The following UCK1 variants were observed in gnomAD, a reference collection of about 807,000 sequenced individuals.
The protein encoded by UCK1 is uridine-cytidine kinase 1.
In UCK1, 20 loss-of-function variants were observed where a neutral mutation model predicts 34.0. That is an observed-to-expected ratio of 0.59 (90% CI 0.41 to 0.86). UCK1 has a LOEUF of 0.86. UCK1 is among the 40% of genes least tolerant of loss of function. The pLI, the probability that UCK1 is intolerant of heterozygous loss-of-function variation, is 0.00. For synonymous variants in UCK1, 168 were observed against 155.9 expected (o/e 1.08, Z -0.58); for missense variants, 343 against 383.6 (o/e 0.89, Z 0.88).
chr9:131,529,949 CCA>C (rs1017960516), intron 2 of UCK1, among the ~76,000 whole-genome samples: 2 of 152,158 alleles, frequency 1.3e-5, no homozygotes, highest in Non-Finnish European at 2.9e-5. Flanking sequence ...GGCCTTCTTC[CCA>C]CAAGTCCTTG....
chr9:131,528,568 G>A (rs1039771286), intron 5 of UCK1, among the ~76,000 whole-genome samples: 8 of 152,146 alleles, frequency 5.3e-5, no homozygotes, highest in South Asian at 2.1e-4. Flanking sequence ...CCCACTCTGC[G>A]GGGAATAAGC....
intron 5 of UCK1, among the ~76,000 whole-genome samples, chr9:131,527,791 C>T (rs1285440183): frequency 3.9e-5 from 6 of 151,950 alleles, no homozygotes; most frequent in Admixed American, 3.3e-4. Context: ...GTGGAAGGAT[C>T]GCTTGAGCTT....
rs202115100 is a variant in UCK1 at position 131,524,544 on chromosome 9, CAG to C, written c.*494_*495del. On this transcript the variant is annotated 3_prime_UTR_variant, in exon 7 of 7. Transcript: ENST00000372215. ...CAGCCTTGTGTTATGAAACAGAAAA[CAG>C]AAAACATGAGGACATGTAACATGTA... 1.8e-3 allele frequency: 283 copies of C among 153,416 alleles called. No homozygotes were observed. The highest frequency in any genetic ancestry group is 6.7e-3 in the African/African-American group (279 of 41,580). The allele number at this position is 153,416 out of a possible 1,614,324, so 9.5% of individuals were successfully genotyped here. A position where few individuals can be genotyped will look rare whatever the true frequency, so the allele number is the denominator to read the frequency against.
rs1330047087 is a variant in UCK1 at position 131,529,044 on chromosome 9, G to T, written c.509-6C>A. ...TCGGCGCACGTCCCGGAGAACTGCA[G>T]CGGCAAGGGGCAGGCGTGCTTCAGA... On this transcript the variant is annotated splice_region_variant and splice_polypyrimidine_tract_variant and intron_variant, in intron 4 of 6. Coordinates refer to ENST00000372215, the MANE Select transcript of UCK1 (RefSeq NM_031432.5). 6.2e-7 allele frequency: 1 copy of T among 1,613,978 alleles called. No individual in the cohort carries two copies. Among genetic ancestry groups the T allele is most frequent in the South Asian group, 1.1e-5 (1 of 91,078 alleles).
chr9:131,529,322 CCACA>C (rs760614318), intron 3 of UCK1, 52 bp from the exon 4 acceptor site: 10 of 1,610,236 alleles, frequency 6.2e-6, no homozygotes, highest in African/African-American at 2.7e-5. Flanking sequence ...GGTCTCCAGG[CCACA>C]CACACAGTCA....
At chr9:131,528,413 C>G (rs1950692309) in intron 5 of UCK1, among the ~76,000 whole-genome samples, 1 of 152,188 alleles carries the variant, frequency 6.6e-6, no homozygotes, top group Admixed American at 6.5e-5. Context: ...CAGCTGGGAT[C>G]TGGGCACAGC....
rs200409747 is a variant in UCK1, at chr9:131,529,117, G to A, written c.508+11C>T. 1,020 of 1,613,502 alleles carry A rather than the reference G, an allele frequency of 6.3e-4. 5 individuals carry two copies. In the African/African-American group the frequency reaches 9.9e-3, roughly 16 times the overall value. ...CGGCCAGGCAGGCACGGAGGCCCGC[G>A]GCCGCCTTACCTCTTCGAGACAGCC... On this transcript the variant is annotated intron_variant, in intron 4 of 6. Transcript: ENST00000372215.
At chr9:131,528,757 G>T in intron 5 of UCK1, 187 bp downstream of exon 5, 1 of 682,526 alleles carries the variant, frequency 1.5e-6, no homozygotes, top group Non-Finnish European at 2.4e-6. Context: ...GCAGAGGGAG[G>T]AGCAGGCACA....
intron 5 of UCK1, among the ~76,000 whole-genome samples, chr9:131,528,082 G>A (rs993743889): frequency 6.6e-6 from 1 of 151,934 alleles, no homozygotes; most frequent in Non-Finnish European, 1.5e-5. Context: ...GGTGAGACAG[G>A]AGAATTGCTT....
intron 6 of UCK1, among the ~76,000 whole-genome samples, chr9:131,525,544 TCA>T (rs1212037054): frequency 6.6e-6 from 1 of 152,182 alleles, no homozygotes; most frequent in East Asian, 1.9e-4. Flanking sequence ...AGTGGCCCAA[TCA>T]CAGCTCACTG....
chr9:131,527,168 AAAG>A (rs1282719621), intron 5 of UCK1, among the ~76,000 whole-genome samples: 2 of 151,846 alleles, frequency 1.3e-5, no homozygotes, highest in Non-Finnish European at 2.9e-5. Context: ...AAAAAAAAAA[AAAG>A]GAAAAATTAG....
rs575275748 is a variant in UCK1, at chr9:131,525,030, C to A, written c.*10G>T. ...CGGGCGGGAGACCTGCCCTGAGGCTCGGCAGCCCCTCAGTGGGGTCTGCTG... is the reference window on the plus strand; with the variant it reads ...CGGGCGGGAGACCTGCCCTGAGGCTAGGCAGCCCCTCAGTGGGGTCTGCTG... On this transcript the variant is annotated 3_prime_UTR_variant, in exon 7 of 7. Transcript: ENST00000372215. 2 of 1,603,840 alleles carry A rather than the reference C, an allele frequency of 1.2e-6. No individual in the cohort carries two copies. The highest frequency in any genetic ancestry group is 1.1e-5 in the South Asian group (1 of 90,752).
chr9:131,525,296 C>T lies in UCK1; in HGVS notation c.653-75G>A, dbSNP rs567026408. The T allele has an allele frequency of 4.3e-5, 68 of 1,591,038 alleles. No homozygotes were observed. The East Asian group carries it at 7.6e-4, about 18-fold the overall frequency. On this transcript the variant is annotated intron_variant, in intron 6 of 6. Transcript: ENST00000372215. ...GGAGACCGCCCCTCCCCGCAGCACT[C>T]GGCCAGGAGTGAGCGCCCAACCTCT... is the stretch of plus-strand genomic sequence containing the variant.
At chr9:131,529,453 C>A (rs1950744774) in intron 3 of UCK1, 35 bp downstream of exon 3, 22 of 1,613,222 alleles carry the variant, frequency 1.4e-5, no homozygotes, top group Non-Finnish European at 1.9e-5. Flanking sequence ...CTAGCTGGCC[C>A]CTCTCCTCGG....
In UCK1 at chr9:131,530,769, C is replaced by T. The variant is rs530403780; in HGVS notation, c.109-124G>A. ...GTATGCTCGGAAGGCGGGAGGACACCAACAGGTGTGGATGGTCTCAGCGGA... is the reference window on the plus strand; with the variant it reads ...GTATGCTCGGAAGGCGGGAGGACACTAACAGGTGTGGATGGTCTCAGCGGA... On this transcript the variant is annotated intron_variant, in intron 1 of 6. Coordinates refer to ENST00000372215, the MANE Select transcript of UCK1 (RefSeq NM_031432.5). 8 of 1,555,172 alleles carry T rather than the reference C, an allele frequency of 5.1e-6. No individual in the cohort carries two copies. The African/African-American group carries it at 1.1e-4, about 21-fold the overall frequency.
In UCK1 at chr9:131,530,616, CA is replaced by C; in HGVS notation, c.137del (p.Leu46CysfsTer17). ...KSTVCEKIME[L>X]LGQNEVEQRQ... Reference sequence around the variant, plus strand: ...GCTGTTCCACCTCGTTCTGTCCCAGCAACTCCATGATCTTCTCACACACGGT... The same window carrying C: ...GCTGTTCCACCTCGTTCTGTCCCAGCACTCCATGATCTTCTCACACACGGT... On this transcript the variant is annotated frameshift_variant, in exon 2 of 7. Transcript: ENST00000372215. LOFTEE classifies it high-confidence loss of function. The C allele has an allele frequency of 6.2e-7, 1 of 1,614,252 alleles. No homozygotes were observed. Among genetic ancestry groups the C allele is most frequent in the East Asian group, 2.2e-5 (1 of 44,872 alleles).
At position 131,528,698 on chromosome 9, in the gene UCK1, G is replaced by A; in HGVS notation, c.603+246C>T. The A allele has an allele frequency of 1.6e-5, 9 of 563,162 alleles. No individual in the cohort carries two copies. In the South Asian group the frequency reaches 1.9e-4, roughly 12 times the overall value. 34.9% of individuals were successfully genotyped at this position (563,162 alleles called of 1,614,324 possible). A position where few individuals can be genotyped will look rare whatever the true frequency, so the allele number is the denominator to read the frequency against. On this transcript the variant is annotated intron_variant, in intron 5 of 6. Transcript: ENST00000372215. ...GGACGCTGGGCAAGGGCCTGAGGCA[G>A]GGAGGAAGCGGCCAGTGTGAATGTG...
At position 131,531,259 on chromosome 9, in the gene UCK1, C is replaced by A. The variant is rs910208511; in HGVS notation, c.-85G>T. ...GCCCGCCCAGCGCCGAGGTCGGAGG[C>A]AACCGGAGCGATCACTTCCGGGAGG... On this transcript the variant is annotated 5_prime_UTR_variant, in exon 1 of 7. Coordinates refer to ENST00000372215, the MANE Select transcript of UCK1 (RefSeq NM_031432.5). 2 of 1,208,384 alleles carry A rather than the reference C, an allele frequency of 1.7e-6. No homozygotes were observed. Among genetic ancestry groups the A allele is most frequent in the Non-Finnish European group, 2.1e-6 (2 of 940,298 alleles). The allele number at this position is 1,208,384 out of a possible 1,614,324, so 74.9% of individuals were successfully genotyped here. A position where few individuals can be genotyped will look rare whatever the true frequency, so the allele number is the denominator to read the frequency against.
chr9:131,525,393 A>C (rs1262627303), intron 6 of UCK1, among the ~76,000 whole-genome samples, 172 bp from the exon 7 acceptor site: 1 of 152,266 alleles, frequency 6.6e-6, no homozygotes, highest in Non-Finnish European at 1.5e-5. Flanking sequence ...ATCAGGACAC[A>C]GCAAAATAAG....
Sources: gnomAD v4.1 joint callset for allele counts (sites outside exome capture counted in the v4.1 genomes callset) on GRCh38, gnomAD v4.1.1 for gene constraint, MANE v1.5 for transcripts, NCBI Gene and HGNC (gene_info 2026-07-23, HGNC 2026-07-21) for gene names.